Variants in ANK2 observed in about 807,000 individuals in gnomAD.
ANK2 encodes ankyrin 2, also known as ankyrin-2.
ANK2 carries 83 observed loss-of-function variants against 360.5 expected under a neutral mutation model. The ratio of observed to expected loss-of-function variants is 0.23; its 90% CI spans 0.19 to 0.28. The LOEUF (loss-of-function observed/expected upper bound fraction) is 0.28. Ranked by LOEUF, ANK2 falls within the 10% of genes least tolerant of loss-of-function variation. ANK2 has a pLI of 1.00. For synonymous variants in ANK2, 1,740 were observed against 1,759.5 expected, an observed-to-expected ratio of 0.99 and a Z score of 0.28; for missense variants, 4,201 against 4,795.7, an observed-to-expected ratio of 0.88 and a Z score of 3.66.
chr4:113,280,519 G>T (rs2061889151), intron 17 of ANK2, among the ~76,000 whole-genome samples: 1 of 152,106 alleles, frequency 6.6e-6, no homozygotes, highest in Admixed American at 6.6e-5. Flanking sequence ...CTCCTAGAGG[G>T]CTCCAGATGG....
intron 1 of ANK2, among the ~76,000 whole-genome samples, chr4:112,835,254 A>G (rs1001025019): frequency 6.6e-6 from 1 of 152,222 alleles, no homozygotes; most frequent in Non-Finnish European, 1.5e-5. Context: ...GAATTGTTCT[A>G]CAAAGAAGTT....
intron 2 of ANK2, among the ~76,000 whole-genome samples, chr4:113,175,965 T>A (rs772686091): frequency 5.9e-5 from 9 of 152,226 alleles, no homozygotes; most frequent in Non-Finnish European, 1.0e-4. Flanking sequence ...ATAACAAGAA[T>A]GAAAGACTTT....
chr4:113,254,619 A>G (rs1328853064), intron 10 of ANK2, among the ~76,000 whole-genome samples: 1 of 152,232 alleles, frequency 6.6e-6, no homozygotes, highest in African/African-American at 2.4e-5. Context: ...TGAAAGTAAT[A>G]ATTATGAATG....
At chr4:112,810,149 ATATATATATATTTTTTTTTTTT>A in the ANK2 span, among the ~76,000 whole-genome samples, 1 of 30,346 alleles carries the variant, frequency 3.3e-5, no homozygotes, top group Admixed American at 4.8e-4. Flanking sequence ...ATATATATAT[ATATATATATATTTTTTTTTTTT>A]TTTTTTTTTT....
intron 33 of ANK2, among the ~76,000 whole-genome samples, chr4:113,342,332 T>C (rs567002809): frequency 6.6e-6 from 1 of 152,338 alleles, no homozygotes; most frequent in South Asian, 2.1e-4. Flanking sequence ...TTACTTTTTC[T>C]TATTTCAGAA....
chr4:112,789,533 A>T, the ANK2 span, among the ~76,000 whole-genome samples: 1 of 152,232 alleles, frequency 6.6e-6, no homozygotes, highest in Non-Finnish European at 1.5e-5. Context: ...CACAAAAATA[A>T]GCATACTTAT....
intron 1 of ANK2, among the ~76,000 whole-genome samples, chr4:113,057,777 C>A (rs1363227212): frequency 6.6e-6 from 1 of 152,066 alleles, no homozygotes; most frequent in Non-Finnish European, 1.5e-5. Context: ...AGCCTTCTGC[C>A]TTTACCTGAA....
At chr4:113,180,245 C>A (rs188285936) in intron 2 of ANK2, among the ~76,000 whole-genome samples, 3 of 152,278 alleles carry the variant, frequency 2.0e-5, no homozygotes, top group African/African-American at 7.2e-5. Context: ...TCTAGTTTTC[C>A]CCACTTACCA....
At chr4:112,827,813 C>A (rs1579147688) in intron 1 of ANK2, among the ~76,000 whole-genome samples, 1 of 152,122 alleles carries the variant, frequency 6.6e-6, no homozygotes, top group Non-Finnish European at 1.5e-5. Flanking sequence ...ACAGATTCAA[C>A]ACTATTCCTA....
chr4:112,954,441 A>T (rs183978479), intron 2 of ANK2, among the ~76,000 whole-genome samples: 3 of 152,290 alleles, frequency 2.0e-5, no homozygotes, highest in Admixed American at 1.3e-4. Flanking sequence ...AATGAAAAGG[A>T]TTGTGCAGCA....
chr4:113,076,876 A>AT (rs762101579), intron 1 of ANK2, among the ~76,000 whole-genome samples: 1 of 152,062 alleles, frequency 6.6e-6, no homozygotes, highest in South Asian at 2.1e-4. Flanking sequence ...ACCATGTTGC[A>AT]TTTTTTGTAA....
At chr4:112,957,698 C>G (rs1361559773) in intron 2 of ANK2, among the ~76,000 whole-genome samples, 31 of 147,134 alleles carry the variant, frequency 2.1e-4, no homozygotes, top group Middle Eastern at 3.5e-3. Context: ...GGGGGCTGAC[C>G]CCCCCACCTC....
the ANK2 span, among the ~76,000 whole-genome samples, chr4:112,803,011 C>T: frequency 0.56 from 85,039 of 151,838 alleles, 24,600 homozygotes; most frequent in East Asian, 0.88. Context: ...TCTGATTGGT[C>T]TGATTACTGG....
intron 1 of ANK2, among the ~76,000 whole-genome samples, chr4:112,861,227 C>G (rs1393307940): frequency 6.6e-6 from 1 of 152,100 alleles, no homozygotes; most frequent in African/African-American, 2.4e-5. Context: ...ACCTAATTAG[C>G]TGGGCTACAC....
intron 1 of ANK2, among the ~76,000 whole-genome samples, chr4:113,124,203 T>G (rs2095531539): frequency 6.6e-6 from 1 of 152,182 alleles, no homozygotes; most frequent in South Asian, 2.1e-4. Context: ...TTGAAAGAAC[T>G]CAAGTTAGTG....
chr4:112,948,209 C>A (rs1355107481), intron 2 of ANK2, among the ~76,000 whole-genome samples: 1 of 152,156 alleles, frequency 6.6e-6, no homozygotes, highest in African/African-American at 2.4e-5. Flanking sequence ...TGGGCATTAG[C>A]AGTCTGTAAG....
rs369041815 is a variant in ANK2 at position 113,356,360 on chromosome 4, G to A, written c.7742G>A (p.Arg2581Lys). ...GATTCAGAAAACGGGGAGAAAAAGA[G>A]GTTCACACCTGAAGAGGAGATGTTT... ...EDDSENGEKK[R>K]FTPEEEMFKM... is the part of the protein sequence containing the mutation. Residue 2581 changes from arginine (R) to lysine (K), a missense_variant, in exon 38 of 46, where the codon AGG becomes AAG. Around this residue, in one of 4 missense-constraint regions of ANK2, gnomAD observed 2,642 missense variants for 2,714.5 expected, o/e 0.97. Coordinates refer to ENST00000357077, the MANE Select transcript of ANK2 (RefSeq NM_001148.6). 10 of 1,613,998 alleles carry A rather than the reference G, an allele frequency of 6.2e-6. No individual in the cohort carries two copies. Among genetic ancestry groups the A allele is most frequent in the African/African-American group, 2.7e-5 (2 of 74,914 alleles).
At chr4:112,807,500 G>A in the ANK2 span, among the ~76,000 whole-genome samples, 1 of 152,182 alleles carries the variant, frequency 6.6e-6, no homozygotes, top group African/African-American at 2.4e-5. Flanking sequence ...GGTTCTGGAT[G>A]ATGGTGAATT....
the ANK2 span, among the ~76,000 whole-genome samples, chr4:112,768,504 G>A: frequency 1.3e-5 from 2 of 151,784 alleles, no homozygotes; most frequent in Admixed American, 6.6e-5. Flanking sequence ...TCCGCCCACC[G>A]AGGCCTCCCA....
Sources: gnomAD v4.1 joint callset for allele counts (sites outside exome capture counted in the v4.1 genomes callset) on GRCh38, gnomAD v4.1.1 for gene constraint, gnomAD v4.1.1 regional missense constraint, MANE v1.5 for transcripts, NCBI Gene and HGNC (gene_info 2026-07-23, HGNC 2026-07-21) for gene names.